Variants in TTN observed in about 807,000 individuals in gnomAD.
The protein encoded by TTN is connectin.
Under a neutral mutation model 3,223.0 loss-of-function variants are expected in TTN, and 1,525 were observed. The observed-to-expected ratio is 0.47, with a 90% CI of 0.45 to 0.49. TTN has a LOEUF of 0.49. Among genes scored for constraint, TTN ranks in the 20% least tolerant of loss-of-function variants. The pLI is 0.00. For synonymous variants in TTN, 14,094 were observed against 15,161.0 expected, an observed-to-expected ratio of 0.93 and a Z score of 5.17; for missense variants, 40,786 against 43,424.0, an observed-to-expected ratio of 0.94 and a Z score of 5.40.
rs2627041 is a variant in TTN at position 178,736,330 on chromosome 2, A to G, written c.14372-256T>C. On this transcript the variant is annotated intron_variant, in intron 49 of 362. Transcript: ENST00000589042. ...AAGCGTTCCTTTATTAAGTAACATT[A>G]CTAAAGATTTGTCCATTTTAGTGGC... 0.083 allele frequency among the ~76,000 whole-genome samples: 12,603 copies of G among 152,294 alleles called. 700 individuals carry two copies. Among genetic ancestry groups the G allele is most frequent in the East Asian group, 0.19 (977 of 5,178 alleles).
At chr2:178,594,703 T>A in intron 295 of TTN, 57 bp from the exon 296 acceptor site, 1 of 1,375,400 alleles carries the variant, frequency 7.3e-7, no homozygotes, top group Non-Finnish European at 9.9e-7. Flanking sequence ...AAGAATGTAG[T>A]AGGATGTAGT....
chr2:178,763,363 C>T lies in TTN; in HGVS notation c.10114+814G>A, dbSNP rs142742194. Among the ~76,000 whole-genome samples, 275 of 152,266 alleles carry T rather than the reference C, an allele frequency of 1.8e-3. 3 individuals carry two copies. The highest frequency in any genetic ancestry group is 6.3e-3 in the African/African-American group (263 of 41,562). On this transcript the variant is annotated intron_variant, in intron 43 of 362. Coordinates refer to ENST00000589042, the MANE Select transcript of TTN (RefSeq NM_001267550.2). ...CTGTGCTATGTGCTGACTTGAGTTA[C>T]CTAACTTAATCTTGATAATAATCTT...
chr2:178,745,588 A>G (rs2083340544), intron 47 of TTN: 2 of 1,612,434 alleles, frequency 1.2e-6, no homozygotes, highest in Non-Finnish European at 1.7e-6. Flanking sequence ...TTACATTTTA[A>G]GTTAAGGTGA....
In TTN at chr2:178,590,252, G is replaced by A; in HGVS notation, c.61473C>T (p.Gly20491=). 1 of 1,584,442 alleles carries A rather than the reference G, an allele frequency of 6.3e-7. No individual in the cohort carries two copies. The highest frequency in any genetic ancestry group is 8.6e-7 in the Non-Finnish European group (1 of 1,165,540). ...CTCGAGCTAGAATGCGGATAGTTTG[G>A]CCTACTCTCACGGTAATAACATCAC... ...TCRDVITVRV[G]QTIRILARVK... The change falls in exon 304 of 363, where the codon GGC becomes GGT. Residue 20491 remains glycine (G), a synonymous_variant. Transcript: ENST00000589042.
intron 88 of TTN, 101 bp from the exon 89 acceptor site, chr2:178,715,875 T>G: frequency 8.4e-7 from 1 of 1,184,008 alleles, no homozygotes; most frequent in East Asian, 2.6e-5. Context: ...GGTCTTTAGC[T>G]CTGGAAAACA....
At chr2:178,558,745 T>A in intron 326 of TTN, 108 bp from the exon 327 acceptor site, 3 of 1,230,352 alleles carry the variant, frequency 2.4e-6, no homozygotes, top group Non-Finnish European at 3.3e-6. Flanking sequence ...GCCATATTTT[T>A]ATGTTGATTT....
Position 178,559,739 on chromosome 2 carries a change from C to A in TTN, c.86393G>T (p.Arg28798Ile). The change falls in exon 326 of 363, where the codon AGA becomes ATA. Residue 28798 changes from arginine to isoleucine, a missense_variant. Transcript: ENST00000589042. ...AGAGTCTGTGGTATCAACATAAGCT[C>A]TAGTACGGAGGTCAGTGTCTGGCTT... ...WSKPDTDLRT[R>I]AYVDTTDSRT... is the part of the protein sequence containing the mutation. The A allele has an allele frequency of 6.3e-7, 1 of 1,599,474 alleles. No homozygotes were observed. The highest frequency in any genetic ancestry group is 1.1e-5 in the South Asian group (1 of 88,376).
Position 178,557,925 on chromosome 2 carries a change from G to A in TTN, c.87429C>T (p.Gly29143=), listed in dbSNP as rs1702137024. The change falls in exon 328 of 363, where the codon GGC becomes GGT. Residue 29143 remains glycine, a synonymous_variant. Coordinates refer to ENST00000589042, the MANE Select transcript of TTN (RefSeq NM_001267550.2). ...CAGTTATATCACTAATAACAACAGGGCCAGTTGGAGGACCAGGCCTGTCTA... is the reference window on the plus strand; with the variant it reads ...CAGTTATATCACTAATAACAACAGGACCAGTTGGAGGACCAGGCCTGTCTA... ...VVLDRPGPPT[G]PVVISDITEE... is the part of the protein sequence containing the mutation. 1 of 1,613,212 alleles carries A rather than the reference G, an allele frequency of 6.2e-7. No individual in the cohort carries two copies. The highest frequency in any genetic ancestry group is 8.5e-7 in the Non-Finnish European group (1 of 1,179,848).
At chr2:178,720,817 G>A (rs2078242063) in intron 79 of TTN, 104 bp downstream of exon 79, 8 of 1,417,220 alleles carry the variant, frequency 5.6e-6, no homozygotes, top group Non-Finnish European at 7.5e-6. Context: ...TTGAAGAATT[G>A]CAACCAAATA....
At chr2:178,555,373 C>T (rs1700990475) in intron 330 of TTN, 7 of 500,930 alleles carry the variant, frequency 1.4e-5, no homozygotes, top group Non-Finnish European at 3.4e-6. Flanking sequence ...ACTTAAGCAC[C>T]TTTTACATGT....
chr2:178,565,911 T>C lies in TTN; in HGVS notation c.80221A>G (p.Ser26741Gly), dbSNP rs750048032. 25 of 1,613,580 alleles carry C rather than the reference T, an allele frequency of 1.5e-5. No individual in the cohort carries two copies. Among genetic ancestry groups the C allele is most frequent in the Non-Finnish European group, 2.1e-5 (25 of 1,179,690 alleles). ...ANVSSKCSKTSFKVENLTEGA... is the reference protein window; with the variant it reads ...ANVSSKCSKTGFKVENLTEGA... Reference sequence around the variant, plus strand: ...TCTGTAAGGTTTTCCACTTTAAAACTTGTTTTGCTGCATTTACTACTCACA... The same window carrying C: ...TCTGTAAGGTTTTCCACTTTAAAACCTGTTTTGCTGCATTTACTACTCACA... Residue 26741 changes from serine to glycine, a missense_variant, in exon 326 of 363, where the codon AGT (serine) becomes GGT (glycine). Physicochemically the swap from Ser to Gly is moderately conservative, Grantham distance 56. Transcript: ENST00000589042.
rs1168254597 is a variant in TTN, at chr2:178,701,577, G to T, written c.30549C>A (p.Asp10183Glu). The T allele has an allele frequency of 1.2e-6, 2 of 1,613,736 alleles. No homozygotes were observed. The highest frequency in any genetic ancestry group is 2.2e-5 in the South Asian group (2 of 91,066). ...KLELKPPDIP[D>E]SRVPIPTMPI... ...GCATGGTTGGGATTGGAACTCTGGA[G>T]TCAGGAATATCTGGAAAGGGACATG... is the stretch of plus-strand genomic sequence containing the variant. The change falls in exon 110 of 363, where the codon GAC (aspartate) becomes GAA (glutamate). Residue 10183 changes from aspartate to glutamate, a missense_variant. Transcript: ENST00000589042.
chr2:178,562,125 G>C lies in TTN; in HGVS notation c.84007C>G (p.Leu28003Val). ...TVNWRKDGQT[L>V]KETTRVNVSS... ...ACATTGACTCTAGTTGTCTCTTTAA[G>C]AGTCTGACCATCTTTTCTCCAGTTC... The change falls in exon 326 of 363, where the codon CTT becomes GTT. Residue 28003 changes from leucine to valine, a missense_variant. By Grantham distance (32) the Leu-to-Val change is conservative. Transcript: ENST00000589042. The C allele has an allele frequency of 1.2e-6, 2 of 1,613,254 alleles. No individual in the cohort carries two copies. Among genetic ancestry groups the C allele is most frequent in the Non-Finnish European group, 8.5e-7 (1 of 1,179,570 alleles).
intron 257 of TTN, among the ~76,000 whole-genome samples, chr2:178,616,193 A>G (rs1390389048): frequency 6.6e-6 from 1 of 151,942 alleles, no homozygotes; most frequent in Non-Finnish European, 1.5e-5. Context: ...TTCTAGCTTA[A>G]TGGGTACATA....
chr2:178,688,584 C>A lies in TTN; in HGVS notation c.32197+93G>T, dbSNP rs185094064. The A allele has an allele frequency of 2.8e-3, 2,504 of 885,060 alleles. 43 individuals carry two copies. Among genetic ancestry groups the A allele is most frequent in the South Asian group, 0.021 (1,551 of 72,424 alleles). 54.8% of individuals were successfully genotyped at this position (885,060 alleles called of 1,614,324 possible). A position where few individuals can be genotyped will look rare whatever the true frequency, so the allele number is the denominator to read the frequency against. On this transcript the variant is annotated intron_variant, in intron 126 of 362. Transcript: ENST00000589042. ...CATAAGGAGAAATAACTGATGAGGA[C>A]ATGTTCTAAAGTAAACAATCACATG... is the stretch of plus-strand genomic sequence containing the variant.
At position 178,566,347 on chromosome 2, in the gene TTN, G is replaced by A. The variant is rs1553587704; in HGVS notation, c.79785C>T (p.Asp26595=). 6 of 1,613,538 alleles carry A rather than the reference G, an allele frequency of 3.7e-6. No homozygotes were observed. The highest frequency in any genetic ancestry group is 1.1e-5 in the South Asian group (1 of 91,074). Reference sequence around the variant, plus strand: ...CAACAATTCCTTTTCTTAATTCGGAGTCAAGGTCAAGTTCAGGTGCTTCAA... The same window carrying A: ...CAACAATTCCTTTTCTTAATTCGGAATCAAGGTCAAGTTCAGGTGCTTCAA... The part of the protein sequence containing the change: ...DKLEAPELDL[D]SELRKGIVVR... Residue 26595 remains aspartate, a synonymous_variant, in exon 326 of 363, where the codon GAC becomes GAT. Coordinates refer to ENST00000589042, the MANE Select transcript of TTN (RefSeq NM_001267550.2).
chr2:178,554,681 G>C lies in TTN; in HGVS notation c.88666C>G (p.Arg29556Gly). The C allele has an allele frequency of 6.2e-7, 1 of 1,613,888 alleles. No homozygotes were observed. Among genetic ancestry groups the C allele is most frequent in the Non-Finnish European group, 8.5e-7 (1 of 1,179,848 alleles). ...GCACCACCATCATCAGCTGGAGGCC[G>C]CCAGAGAAGGGTGATCTTCTCAGCA... is the stretch of plus-strand genomic sequence containing the variant. ...VTAEKITLLW[R>G]PPADDGGAKI... Residue 29556 changes from arginine (R) to glycine (G), a missense_variant, in exon 332 of 363, where the codon CGG (arginine) becomes GGG (glycine). By Grantham distance (125) the Arg-to-Gly change is moderately radical (BLOSUM62 -2). Coordinates refer to ENST00000589042, the MANE Select transcript of TTN (RefSeq NM_001267550.2).
chr2:178,567,366 C>G lies in TTN; in HGVS notation c.78766G>C (p.Ala26256Pro), dbSNP rs765170810. ...DFKALLIVKD[A>P]IRIDGGQYIL... ...TACTGCCCACCATCAATTCTAATTGCATCTTTTACAATAAGTAAAGCCTTG... is the reference window on the plus strand; with the variant it reads ...TACTGCCCACCATCAATTCTAATTGGATCTTTTACAATAAGTAAAGCCTTG... The change falls in exon 326 of 363, where the codon GCA becomes CCA. Residue 26256 changes from alanine (A) to proline (P), a missense_variant. Transcript: ENST00000589042. 1 of 1,594,578 alleles carries G rather than the reference C, an allele frequency of 6.3e-7. No homozygotes were observed. Among genetic ancestry groups the G allele is most frequent in the African/African-American group, 1.4e-5 (1 of 73,754 alleles).
At position 178,741,102 on chromosome 2, in the gene TTN, G is replaced by A. The variant is rs759426486; in HGVS notation, c.12131C>T (p.Ser4044Phe). 22 of 1,613,684 alleles carry A rather than the reference G, an allele frequency of 1.4e-5. No individual in the cohort carries two copies. The highest frequency in any genetic ancestry group is 1.6e-5 in the Non-Finnish European group (19 of 1,179,836). Residue 4044 changes from serine to phenylalanine, a missense_variant, in exon 48 of 363, where the codon TCC (serine) becomes TTC (phenylalanine). By Grantham distance (155) the Ser-to-Phe change is radical. Coordinates refer to ENST00000589042, the MANE Select transcript of TTN (RefSeq NM_001267550.2). Reference protein sequence around the residue: ...DMTDTPCKAKSTPEAPEDFPQ... With the variant: ...DMTDTPCKAKFTPEAPEDFPQ... The stretch of plus-strand genomic sequence containing the variant: ...AAAATCCTCAGGAGCCTCTGGTGTG[G>A]ACTTTGCTTTGCAGGGGGTATCAGT...
Sources: allele counts gnomAD v4.1 joint callset (sites outside exome capture counted in the v4.1 genomes callset), GRCh38; gene constraint gnomAD v4.1.1; transcripts MANE v1.5; gene names NCBI Gene and HGNC (gene_info 2026-07-23, HGNC 2026-07-21).